Variants in RYR2 observed in about 807,000 individuals in gnomAD.
RYR2 encodes cardiac muscle ryanodine receptor-calcium release channel.
Under a neutral mutation model 601.1 loss-of-function variants are expected in RYR2, and 227 were observed. The ratio of observed to expected loss-of-function variants is 0.38; its 90% CI spans 0.34 to 0.42. RYR2 has a LOEUF of 0.42. Ranked by LOEUF, RYR2 falls within the 10% of genes least tolerant of loss-of-function variation. RYR2 has a pLI of 1.00. For synonymous variants in RYR2, 2,223 were observed against 2,175.1 expected, an observed-to-expected ratio of 1.02 and a Z score of -0.61; for missense variants, 4,646 against 6,156.5, an observed-to-expected ratio of 0.75 and a Z score of 8.21.
At chr1:237,465,596 G>A (rs931046639) in intron 16 of RYR2, among the ~76,000 whole-genome samples, 20 of 152,086 alleles carry the variant, frequency 1.3e-4, no homozygotes, top group African/African-American at 3.9e-4. Flanking sequence ...GCACAGCTAC[G>A]CTATAGGGGA....
chr1:237,626,622 C>T (rs1311349775), intron 40 of RYR2, among the ~76,000 whole-genome samples: 2 of 102,826 alleles, frequency 1.9e-5, no homozygotes, highest in Admixed American at 1.5e-4. Context: ...GAGACAGTCT[C>T]GCTCCATCAC....
chr1:237,441,990 T>C (rs1707949080), intron 13 of RYR2, among the ~76,000 whole-genome samples: 1 of 152,246 alleles, frequency 6.6e-6, no homozygotes, highest in Admixed American at 6.5e-5. Flanking sequence ...GATTTATGTA[T>C]ATTCAGCATC....
chr1:237,752,394 C>T (rs542632180), intron 80 of RYR2, among the ~76,000 whole-genome samples: 72 of 152,028 alleles, frequency 4.7e-4, no homozygotes, highest in African/African-American at 1.7e-3. Context: ...AAGCAGTCCT[C>T]CCACTTCAGC....
chr1:237,262,969 T>C (rs1688689450), intron 1 of RYR2, among the ~76,000 whole-genome samples: 1 of 152,122 alleles, frequency 6.6e-6, no homozygotes, highest in Non-Finnish European at 1.5e-5. Context: ...AATATATGAC[T>C]GATTCGTTTA....
chr1:237,794,738 A>G (rs770896190), intron 95 of RYR2, among the ~76,000 whole-genome samples: 2 of 152,252 alleles, frequency 1.3e-5, no homozygotes, highest in African/African-American at 2.4e-5. Context: ...TTATTTATAC[A>G]TGATACATGT....
Position 237,625,547 on chromosome 1 carries a change from A to G in RYR2, c.6023-114A>G, listed in dbSNP as rs1254087642. 6 of 1,011,272 alleles carry G rather than the reference A, an allele frequency of 5.9e-6. No homozygotes were observed. In the African/African-American group the frequency reaches 9.7e-5, roughly 16 times the overall value. The allele number at this position is 1,011,272 out of a possible 1,614,324, so 62.6% of individuals were successfully genotyped here. On this transcript the variant is annotated intron_variant, in intron 39 of 104. Coordinates refer to ENST00000366574, the MANE Select transcript of RYR2 (RefSeq NM_001035.3). ...GCAACATTGCTTAACTTAATGTTAGATGTTTTTGACATTGTTCTAAGTTGT... is the reference window on the plus strand; with the variant it reads ...GCAACATTGCTTAACTTAATGTTAGGTGTTTTTGACATTGTTCTAAGTTGT...
chr1:237,426,957 G>A (rs1053096264), intron 12 of RYR2, among the ~76,000 whole-genome samples: 1 of 152,144 alleles, frequency 6.6e-6, no homozygotes, highest in Non-Finnish European at 1.5e-5. Flanking sequence ...AAGAGTGAAA[G>A]GTACGGTAGG....
chr1:237,300,454 G>A (rs1421126337), intron 2 of RYR2, among the ~76,000 whole-genome samples: 1 of 152,130 alleles, frequency 6.6e-6, no homozygotes, highest in Non-Finnish European at 1.5e-5. Flanking sequence ...TTGACATGCA[G>A]GTATACGTAA....
At chr1:237,374,903 A>G in intron 7 of RYR2, 108 bp downstream of exon 7, 1 of 814,364 alleles carries the variant, frequency 1.2e-6, no homozygotes, top group Non-Finnish European at 2.0e-6. Flanking sequence ...TTATGGATGG[A>G]GTCAGGAAAG....
Position 237,833,978 on chromosome 1 carries a change from AT to A in RYR2, c.*1334del, listed in dbSNP as rs1459478907. The A allele has an allele frequency of 6.6e-6, 1 of 152,264 alleles. No individual in the cohort carries two copies. Among genetic ancestry groups the A allele is most frequent in the Non-Finnish European group, 1.5e-5 (1 of 68,030 alleles). The allele number at this position is 152,264 out of a possible 1,614,324, so 9.4% of individuals were successfully genotyped here. On this transcript the variant is annotated 3_prime_UTR_variant, in exon 105 of 105. Transcript: ENST00000366574. ...ACTGTAAAACCGCTCTGATTAAACT[AT>A]TTAACTAACTTTCTCATCCTCTTCT...
chr1:237,206,385 G>A (rs77484889), intron 1 of RYR2, among the ~76,000 whole-genome samples: 1 of 152,208 alleles, frequency 6.6e-6, no homozygotes, highest in Non-Finnish European at 1.5e-5. Context: ...TTTATTAATT[G>A]AAACTGAAAT....
chr1:237,721,724 T>G (rs1016386983), intron 73 of RYR2, among the ~76,000 whole-genome samples: 1 of 152,204 alleles, frequency 6.6e-6, no homozygotes, highest in African/African-American at 2.4e-5. Flanking sequence ...TTCACCATGT[T>G]GGCCAGGCTG....
intron 74 of RYR2, 26 bp from the exon 75 acceptor site, chr1:237,726,247 T>G (rs2149138471): frequency 6.6e-7 from 1 of 1,512,208 alleles, no homozygotes; most frequent in Non-Finnish European, 9.0e-7. Flanking sequence ...CTTTTTTAGC[T>G]AACATAACAT....
chr1:237,120,032 G>A (rs1307785007), intron 1 of RYR2, among the ~76,000 whole-genome samples: 3 of 152,166 alleles, frequency 2.0e-5, no homozygotes, highest in Non-Finnish European at 2.9e-5. Context: ...GGTACCATGT[G>A]ATGTTTATTT....
intron 3 of RYR2, among the ~76,000 whole-genome samples, chr1:237,340,872 A>G (rs566334839): frequency 4.3e-4 from 65 of 152,284 alleles, no homozygotes; most frequent in African/African-American, 1.5e-3. Flanking sequence ...AAAAATATTC[A>G]CTGAGCAACA....
chr1:237,492,321 C>T (rs1663450969), intron 18 of RYR2, among the ~76,000 whole-genome samples: 1 of 152,158 alleles, frequency 6.6e-6, no homozygotes, highest in African/African-American at 2.4e-5. Flanking sequence ...CATGAGCCAC[C>T]GCGCCTGGGC....
At chr1:237,421,096 G>A (rs967700431) in intron 11 of RYR2, among the ~76,000 whole-genome samples, 1 of 152,136 alleles carries the variant, frequency 6.6e-6, no homozygotes, top group Admixed American at 6.5e-5. Flanking sequence ...AAAGTTAGCC[G>A]GGCGCGGTGG....
At position 237,355,998 on chromosome 1, in the gene RYR2, A is replaced by C. The variant is rs773161376; in HGVS notation, c.294+13A>C. On this transcript the variant is annotated intron_variant, in intron 4 of 104. Transcript: ENST00000366574. ...TGTGGAAAAATGGGTATGTGTTTCCATGTATTTGCAAAGAAATTGTGATCT... is the reference window on the plus strand; with the variant it reads ...TGTGGAAAAATGGGTATGTGTTTCCCTGTATTTGCAAAGAAATTGTGATCT... The C allele has an allele frequency of 1.1e-5, 17 of 1,605,466 alleles. No individual in the cohort carries two copies. The highest frequency in any genetic ancestry group is 1.4e-5 in the Non-Finnish European group (16 of 1,175,268).
chr1:237,445,654 G>T (rs547946011), intron 14 of RYR2, 132 bp downstream of exon 14: 12 of 1,031,852 alleles, frequency 1.2e-5, no homozygotes, highest in Non-Finnish European at 1.3e-5. Context: ...CAGCAGAAAC[G>T]TTAGGAAGTG....
Sources: gnomAD v4.1 joint callset for allele counts (sites outside exome capture counted in the v4.1 genomes callset) on GRCh38, gnomAD v4.1.1 for gene constraint, MANE v1.5 for transcripts, NCBI Gene and HGNC (gene_info 2026-07-23, HGNC 2026-07-21) for gene names.